The following SH2B2 variants were observed in gnomAD, a reference collection of about 807,000 sequenced individuals.
SH2B2 encodes the protein SH2B adapter protein 2.
In SH2B2, 37 loss-of-function variants were observed where a neutral mutation model predicts 35.7. That is an observed-to-expected ratio of 1.04 (90% CI 0.80 to 1.36). The LOEUF is 1.36. SH2B2 is among the 40% of genes most tolerant of loss of function. SH2B2 has a pLI of 0.00. For synonymous variants in SH2B2, 383 were observed against 376.4 expected, an observed-to-expected ratio of 1.02 and a Z score of -0.20; for missense variants, 852 against 817.7, an observed-to-expected ratio of 1.04 and a Z score of -0.51.
In SH2B2 at chr7:102,317,301, G is replaced by A. The variant is rs376043619; in HGVS notation, c.1301G>A (p.Gly434Glu). 5.0e-6 allele frequency: 8 copies of A among 1,613,436 alleles called. No homozygotes were observed. Among genetic ancestry groups the A allele is most frequent in the Non-Finnish European group, 6.8e-6 (8 of 1,179,536 alleles). Residue 434 changes from glycine to glutamate, a missense_variant, in exon 7 of 9, where the codon GGG (glycine) becomes GAG (glutamate). This residue lies in a region of SH2B2 where 556 missense variants were observed against 514.5 expected (regional missense o/e 1.08). Coordinates refer to ENST00000444095, the MANE Select transcript of SH2B2 (RefSeq NM_001359228.2). The part of the protein sequence containing the change: ...RVKAAQLVLA[G>E]GPRNHGLFVI... The stretch of plus-strand genomic sequence containing the variant: ...AAGGCTGCTCAACTGGTTCTGGCAG[G>A]GGGGCCCCGGAACCACGGCCTCTTC...
chr7:102,299,481 G>A (rs570297656), intron 1 of SH2B2, among the ~76,000 whole-genome samples: 28 of 152,058 alleles, frequency 1.8e-4, no homozygotes, highest in African/African-American at 6.5e-4. Flanking sequence ...ACAGGCATGC[G>A]CCACCGCACA....
chr7:102,317,956 G>C (rs1554557439), intron 7 of SH2B2, among the ~76,000 whole-genome samples: 1 of 152,074 alleles, frequency 6.6e-6, no homozygotes, highest in Non-Finnish European at 1.5e-5. Flanking sequence ...CTAGGGGGTG[G>C]GGTTCAGCAT....
At chr7:102,300,434 A>C in intron 1 of SH2B2, 88 bp from the exon 2 acceptor site, 1 of 1,407,086 alleles carries the variant, frequency 7.1e-7, no homozygotes, top group Non-Finnish European at 9.4e-7. Context: ...ACACAGCCCC[A>C]GAGAGTCCTA....
upstream of SH2B2, chr7:102,286,822 G>C (rs1359481344): frequency 0.067 from 92 of 1,366 alleles, no homozygotes; most frequent in Non-Finnish European, 0.1. Flanking sequence ...GGCGGGGGCG[G>C]GGGCGGGGCG....
chr7:102,304,086 G>A (rs1586584282), intron 2 of SH2B2, among the ~76,000 whole-genome samples: 2 of 152,172 alleles, frequency 1.3e-5, no homozygotes, highest in South Asian at 4.1e-4. Context: ...CAGGAGACAG[G>A]CTCCCAGGGT....
chr7:102,300,130 T>A (rs1397430173), intron 1 of SH2B2, among the ~76,000 whole-genome samples: 1 of 152,170 alleles, frequency 6.6e-6, no homozygotes, highest in Non-Finnish European at 1.5e-5. Flanking sequence ...CTCAAGCAGT[T>A]CTCCTGCCTC....
intron 4 of SH2B2, among the ~76,000 whole-genome samples, chr7:102,309,784 A>G (rs1793547458): frequency 6.6e-6 from 1 of 152,208 alleles, no homozygotes; most frequent in African/African-American, 2.4e-5. Context: ...GCTTAAATAA[A>G]GAGTGGACCA....
chr7:102,300,720 C>T lies in SH2B2; in HGVS notation c.170C>T (p.Ala57Val), dbSNP rs1554553472. 4 of 1,531,320 alleles carry T rather than the reference C, an allele frequency of 2.6e-6. No homozygotes were observed. The East Asian group carries it at 7.4e-5, about 28-fold the overall frequency. The allele number at this position is 1,531,320 out of a possible 1,614,324, so 94.9% of individuals were successfully genotyped here. Residue 57 changes from alanine to valine, a missense_variant, in exon 2 of 9, where the codon GCC becomes GTC. Ala to Val is a moderately conservative substitution (Grantham distance 64, BLOSUM62 0). This residue lies in a region of SH2B2 where 294 missense variants were observed against 286.6 expected (regional missense o/e 1.03). Transcript: ENST00000444095. Reference sequence around the variant, plus strand: ...AACCCAGCTTACGACACGCCCGACGCCGGCGCCTCCTTCTCCCGCCACTTC... The same window carrying T: ...AACCCAGCTTACGACACGCCCGACGTCGGCGCCTCCTTCTCCCGCCACTTC... ...RDNPAYDTPD[A>V]GASFSRHFAA... is the part of the protein sequence containing the mutation.
At chr7:102,299,355 T>C (rs1793058664) in intron 1 of SH2B2, among the ~76,000 whole-genome samples, 1 of 151,048 alleles carries the variant, frequency 6.6e-6, no homozygotes, top group African/African-American at 2.4e-5. Context: ...TATGCCACCA[T>C]GCCCAGCTAA....
chr7:102,289,292 C>T (rs1211453521), intron 1 of SH2B2, among the ~76,000 whole-genome samples: 7 of 151,926 alleles, frequency 4.6e-5, no homozygotes, highest in African/African-American at 9.7e-5. Flanking sequence ...GCTCACGGTT[C>T]GGTGGAAGAG....
intron 2 of SH2B2, among the ~76,000 whole-genome samples, chr7:102,304,757 C>T (rs1026463302): frequency 5.3e-5 from 8 of 152,278 alleles, no homozygotes; most frequent in Non-Finnish European, 8.8e-5. Context: ...AGGCCTCTGT[C>T]TGCTCTGTCC....
chr7:102,295,353 G>C (rs1554552375), intron 1 of SH2B2, among the ~76,000 whole-genome samples: 2 of 152,224 alleles, frequency 1.3e-5, no homozygotes, highest in Non-Finnish European at 2.9e-5. Context: ...TAGCCTACTG[G>C]ATAAATGGAT....
At chr7:102,293,863 C>T (rs1156566472) in intron 1 of SH2B2, among the ~76,000 whole-genome samples, 2 of 152,100 alleles carry the variant, frequency 1.3e-5, no homozygotes, top group African/African-American at 4.8e-5. Context: ...GTCCAGATCT[C>T]CCAGAGCCCA....
chr7:102,318,676 G>A (rs965368140), intron 7 of SH2B2, among the ~76,000 whole-genome samples: 3 of 151,978 alleles, frequency 2.0e-5, no homozygotes, highest in Non-Finnish European at 4.4e-5. Context: ...TCTCTCTGCA[G>A]GGACCCCGGC....
At chr7:102,291,762 A>G (rs531853346) in intron 1 of SH2B2, among the ~76,000 whole-genome samples, 1 of 152,276 alleles carries the variant, frequency 6.6e-6, no homozygotes, top group Non-Finnish European at 1.5e-5. Context: ...CTTGAAAACC[A>G]ACGCCCACGT....
intron 4 of SH2B2, among the ~76,000 whole-genome samples, chr7:102,311,509 C>G (rs1793618394): frequency 6.6e-6 from 1 of 150,426 alleles, no homozygotes; most frequent in Non-Finnish European, 1.5e-5. Context: ...ACAACCTCAT[C>G]ATCCCAAAGT....
At chr7:102,320,549 C>G in intron 8 of SH2B2, 47 bp downstream of exon 8, 1 of 1,582,960 alleles carries the variant, frequency 6.3e-7, no homozygotes, top group African/African-American at 1.3e-5. Flanking sequence ...GAAGACTTCC[C>G]GTTGATTACT....
At chr7:102,308,793 T>A (rs1481067416) in intron 3 of SH2B2, 22 bp from the exon 4 acceptor site, 2 of 1,600,646 alleles carry the variant, frequency 1.2e-6, no homozygotes, top group East Asian at 2.2e-5. Context: ...TGTTCTGCAC[T>A]CCCGGCCACC....
At chr7:102,292,949 C>T (rs1416593297) in intron 1 of SH2B2, among the ~76,000 whole-genome samples, 1 of 152,066 alleles carries the variant, frequency 6.6e-6, no homozygotes, top group African/African-American at 2.4e-5. Flanking sequence ...GACCACTGAC[C>T]ATCCCTCCTC....
Sources: allele counts gnomAD v4.1 joint callset (sites outside exome capture counted in the v4.1 genomes callset), GRCh38; gene constraint gnomAD v4.1.1; regional missense constraint gnomAD v4.1.1; transcripts MANE v1.5; gene names NCBI Gene and HGNC (gene_info 2026-07-23, HGNC 2026-07-21).